UBE3D: variants seen among roughly 807,000 people sequenced by gnomAD.
The protein encoded by UBE3D is ubiquitin protein ligase E3D, also known as E3 ubiquitin-protein ligase E3D.
In UBE3D, 48 loss-of-function variants were observed where a neutral mutation model predicts 49.6. That is an observed-to-expected ratio of 0.97 (90% CI 0.77 to 1.23). The LOEUF (loss-of-function observed/expected upper bound fraction) is 1.23. Ranked by LOEUF, UBE3D falls within the 50% of genes most tolerant of loss-of-function variation. The pLI, the probability that UBE3D is intolerant of heterozygous loss-of-function variation, is 0.00. For missense variants in UBE3D, 452 were observed against 468.4 expected (o/e 0.96, Z 0.32); for synonymous variants, 189 against 174.2 (o/e 1.08, Z -0.67).
intron 3 of UBE3D, among the ~76,000 whole-genome samples, chr6:83,045,884 C>A (rs375203916): frequency 6.6e-6 from 1 of 152,098 alleles, no homozygotes; most frequent in Admixed American, 6.6e-5. Flanking sequence ...TCCCTAGTCT[C>A]GTCTGGTCTA....
downstream of UBE3D, among the ~76,000 whole-genome samples, chr6:82,891,884 A>T (rs750484465): frequency 1.3e-5 from 2 of 152,116 alleles, no homozygotes; most frequent in Non-Finnish European, 2.9e-5. Flanking sequence ...AAAATTAGCC[A>T]GGTGTGATGG....
At chr6:83,060,735 G>A (rs145019611) in intron 1 of UBE3D, among the ~76,000 whole-genome samples, 1 of 152,204 alleles carries the variant, frequency 6.6e-6, no homozygotes, top group East Asian at 1.9e-4. Flanking sequence ...GGAACATGAA[G>A]AAATCAAAGA....
At chr6:83,055,919 C>T (rs1331523263) in intron 2 of UBE3D, among the ~76,000 whole-genome samples, 1 of 152,180 alleles carries the variant, frequency 6.6e-6, no homozygotes, top group Non-Finnish European at 1.5e-5. Context: ...TATTTATACA[C>T]CATCTATTAT....
At chr6:83,024,095 G>A in intron 5 of UBE3D, 57 bp from the exon 6 acceptor site, 8 of 948,048 alleles carry the variant, frequency 8.4e-6, no homozygotes, top group East Asian at 2.7e-5. Context: ...TTTTATTGTG[G>A]GCAAGTTGAC....
intron 5 of UBE3D, among the ~76,000 whole-genome samples, chr6:83,034,944 G>C (rs1054321108): frequency 3.9e-5 from 6 of 152,204 alleles, no homozygotes; most frequent in African/African-American, 1.4e-4. Flanking sequence ...GCACTTGGAA[G>C]GCTGAGGCAG....
intron 8 of UBE3D, among the ~76,000 whole-genome samples, chr6:83,005,084 T>C (rs112692873): frequency 0.017 from 2,633 of 152,250 alleles, 95 homozygotes; most frequent in African/African-American, 0.06. Flanking sequence ...TTGCAAATCA[T>C]ACATCTCATA....
At chr6:82,943,998 C>T (rs1775216851) in intron 9 of UBE3D, among the ~76,000 whole-genome samples, 1 of 152,120 alleles carries the variant, frequency 6.6e-6, no homozygotes, top group East Asian at 1.9e-4. Flanking sequence ...AGCTTTGTTA[C>T]TGTGGGCTGA....
At chr6:83,004,632 G>C (rs896131834) in intron 8 of UBE3D, among the ~76,000 whole-genome samples, 3 of 152,104 alleles carry the variant, frequency 2.0e-5, no homozygotes, top group African/African-American at 7.2e-5. Flanking sequence ...TTTAGGATTT[G>C]GTGACACTTG....
chr6:83,011,324 G>C (rs973834000), intron 8 of UBE3D, among the ~76,000 whole-genome samples: 12 of 152,066 alleles, frequency 7.9e-5, no homozygotes, highest in African/African-American at 2.9e-4. Flanking sequence ...GTCGTAGCTG[G>C]TATTGATGAC....
At chr6:82,949,388 A>G (rs1041962300) in intron 9 of UBE3D, among the ~76,000 whole-genome samples, 1 of 152,146 alleles carries the variant, frequency 6.6e-6, no homozygotes, top group Non-Finnish European at 1.5e-5. Flanking sequence ...AAATGGAAAG[A>G]TATTTCATGT....
chr6:82,947,423 A>C (rs1775483606), intron 9 of UBE3D, among the ~76,000 whole-genome samples: 1 of 152,052 alleles, frequency 6.6e-6, no homozygotes, highest in African/African-American at 2.4e-5. Context: ...ATCAAACTTA[A>C]TCTGCACTAT....
chr6:82,952,376 G>C (rs1389034795), intron 9 of UBE3D, among the ~76,000 whole-genome samples: 5 of 147,794 alleles, frequency 3.4e-5, no homozygotes, highest in Non-Finnish European at 7.5e-5. Context: ...AAAACAGAAA[G>C]AACTAAAAAA....
intron 9 of UBE3D, among the ~76,000 whole-genome samples, chr6:82,931,378 G>A (rs1342279323): frequency 6.6e-6 from 1 of 152,168 alleles, no homozygotes; most frequent in African/African-American, 2.4e-5. Context: ...GTGAGAAAAG[G>A]GCCACTGTCA....
intron 8 of UBE3D, among the ~76,000 whole-genome samples, chr6:82,980,252 CT>C (rs1042907995): frequency 5.9e-5 from 9 of 151,820 alleles, no homozygotes; most frequent in South Asian, 2.1e-4. Flanking sequence ...AACATCTGTT[CT>C]TTTTTTTGAC....
intron 8 of UBE3D, among the ~76,000 whole-genome samples, chr6:82,999,744 G>C (rs1390455504): frequency 6.6e-6 from 1 of 152,002 alleles, no homozygotes; most frequent in Admixed American, 6.5e-5. Flanking sequence ...CCTTAAGTCA[G>C]CTTCCCATCC....
At chr6:83,046,487 A>T (rs1783042100) in intron 3 of UBE3D, among the ~76,000 whole-genome samples, 1 of 152,184 alleles carries the variant, frequency 6.6e-6, no homozygotes, top group South Asian at 2.1e-4. Context: ...TGATTCTTTC[A>T]ACGTACATTT....
chr6:83,024,977 C>T (rs952480021), intron 5 of UBE3D, among the ~76,000 whole-genome samples: 9 of 152,150 alleles, frequency 5.9e-5, no homozygotes, highest in South Asian at 2.1e-4. Context: ...GATTCAAGCT[C>T]GACTTTTATT....
At chr6:82,919,004 C>T (rs1195673755) in intron 9 of UBE3D, among the ~76,000 whole-genome samples, 1 of 152,076 alleles carries the variant, frequency 6.6e-6, no homozygotes, top group East Asian at 1.9e-4. Flanking sequence ...GCCTCCTGTG[C>T]AGAGAGTAGC....
At chr6:83,038,331 C>A in intron 5 of UBE3D, 85 bp downstream of exon 5, 1 of 1,097,200 alleles carries the variant, frequency 9.1e-7, no homozygotes. Context: ...AATCATCTAT[C>A]TTTCCTATAT....
Sources: gnomAD v4.1 joint callset for allele counts (sites outside exome capture counted in the v4.1 genomes callset) on GRCh38, gnomAD v4.1.1 for gene constraint, MANE v1.5 for transcripts, NCBI Gene and HGNC (gene_info 2026-07-23, HGNC 2026-07-21) for gene names.